Variants in BMP5 observed in about 807,000 individuals in gnomAD.
The protein encoded by BMP5 is bone morphogenetic protein 5.
A neutral mutation model predicts 46.6 loss-of-function variants in BMP5; 23 were observed. The observed-to-expected ratio is 0.49, with a 90% CI of 0.35 to 0.70. The LOEUF is 0.70. BMP5 is among the 30% of genes least tolerant of loss of function. The probability of loss-of-function intolerance (pLI) is 0.00; values close to 1 mark genes in which losing one functional copy is unlikely to be tolerated. For missense variants in BMP5, 545 were observed against 565.6 expected, an observed-to-expected ratio of 0.96 and a Z score of 0.37; for synonymous variants, 204 against 191.9, an observed-to-expected ratio of 1.06 and a Z score of -0.52.
intron 2 of BMP5, among the ~76,000 whole-genome samples, chr6:55,797,235 A>C (rs764405975): frequency 6.6e-6 from 1 of 152,176 alleles, no homozygotes; most frequent in Non-Finnish European, 1.5e-5. Flanking sequence ...TGAAGTATAA[A>C]ATTTCTCCAC....
At chr6:55,761,923 A>G (rs1334358263) in intron 4 of BMP5, among the ~76,000 whole-genome samples, 1 of 152,120 alleles carries the variant, frequency 6.6e-6, no homozygotes, top group Non-Finnish European at 1.5e-5. Context: ...TAAAATAAAC[A>G]TTCAAAAAAG....
chr6:55,819,826 GA>G lies in BMP5; in HGVS notation c.511del (p.Ser171LeufsTer23). The G allele has an allele frequency of 6.2e-7, 1 of 1,613,646 alleles. No individual in the cohort carries two copies. Among genetic ancestry groups the G allele is most frequent in the Non-Finnish European group, 8.5e-7 (1 of 1,179,786 alleles). On this transcript the variant is annotated frameshift_variant, in exon 2 of 7. Coordinates refer to ENST00000370830, the MANE Select transcript of BMP5 (RefSeq NM_021073.4). LOFTEE classifies it high-confidence loss of function. The part of the protein sequence containing the change: ...VNLVERDKDF[S>X]HQRRHYKEFR... ...TTCTTTGTAATGCCTTCGCTGGTGA[GA>G]AAAATCCTTGTCTCTTTCAACTGAA...
intron 1 of BMP5, among the ~76,000 whole-genome samples, chr6:55,821,463 A>C (rs1430300478): frequency 6.6e-6 from 1 of 152,056 alleles, no homozygotes; most frequent in Admixed American, 6.6e-5. Flanking sequence ...GGACTACTAT[A>C]GGTGTTCCCC....
rs150474318 is a variant in BMP5, at chr6:55,819,711, A to T, written c.627T>A (p.Phe209Leu). The change falls in exon 2 of 7, where the codon TTT becomes TTA. Residue 209 changes from phenylalanine to leucine, a missense_variant. Phe to Leu is a conservative substitution (Grantham distance 22). Coordinates refer to ENST00000370830, the MANE Select transcript of BMP5 (RefSeq NM_021073.4). ...RIYKDRSNNR[F>L]ENETIKISIY... ...TGCTAATCTTAATTGTTTCATTTTC[A>T]AATCGGTTGTTGCTCCGGTCCTTGT... The T allele has an allele frequency of 7.3e-5, 118 of 1,613,700 alleles. No homozygotes were observed. The highest frequency in any genetic ancestry group is 9.5e-5 in the Non-Finnish European group (112 of 1,179,876).
intron 4 of BMP5, among the ~76,000 whole-genome samples, chr6:55,773,714 C>A (rs919601916): frequency 6.6e-6 from 1 of 151,876 alleles, no homozygotes; most frequent in Non-Finnish European, 1.5e-5. Flanking sequence ...GTTGACCATC[C>A]ATTTTTGAAA....
intron 1 of BMP5, among the ~76,000 whole-genome samples, chr6:55,821,227 C>A (rs191665897): frequency 4.6e-5 from 7 of 152,216 alleles, no homozygotes; most frequent in Admixed American, 2.0e-4. Context: ...CAAAGGAACC[C>A]ACAATGCTTT....
At chr6:55,791,273 A>G (rs1037576347) in intron 3 of BMP5, among the ~76,000 whole-genome samples, 51 of 152,338 alleles carry the variant, frequency 3.3e-4, no homozygotes, top group Middle Eastern at 6.8e-3. Flanking sequence ...TAATAAAACT[A>G]AGGTGCCCAG....
At chr6:55,768,536 A>G (rs1477578974) in intron 4 of BMP5, among the ~76,000 whole-genome samples, 1 of 151,938 alleles carries the variant, frequency 6.6e-6, no homozygotes, top group African/African-American at 2.4e-5. Context: ...AAGCTATGAT[A>G]TTTGAGCTTA....
intron 2 of BMP5, among the ~76,000 whole-genome samples, chr6:55,805,594 G>T (rs1270408836): frequency 1.3e-5 from 2 of 152,174 alleles, no homozygotes; most frequent in African/African-American, 2.4e-5. Context: ...TAATGGGATT[G>T]CTGGGTCAGA....
intron 1 of BMP5, among the ~76,000 whole-genome samples, chr6:55,861,872 G>A (rs915712407): frequency 6.6e-6 from 1 of 152,210 alleles, no homozygotes; most frequent in Non-Finnish European, 1.5e-5. Context: ...AGGCAGCACA[G>A]CATATCAGTG....
chr6:55,801,511 C>T (rs1232317651), intron 2 of BMP5, among the ~76,000 whole-genome samples: 1 of 152,156 alleles, frequency 6.6e-6, no homozygotes, highest in Non-Finnish European at 1.5e-5. Context: ...TCCTTGTTTC[C>T]CCCAATGCAT....
At chr6:55,836,065 A>G (rs1177432583) in intron 1 of BMP5, among the ~76,000 whole-genome samples, 1 of 152,156 alleles carries the variant, frequency 6.6e-6, no homozygotes, top group Non-Finnish European at 1.5e-5. Context: ...ACCTAGCTCA[A>G]TTTTCCCAAT....
intron 1 of BMP5, among the ~76,000 whole-genome samples, chr6:55,824,775 G>A (rs1357354176): frequency 6.6e-6 from 1 of 151,896 alleles, no homozygotes; most frequent in Non-Finnish European, 1.5e-5. Flanking sequence ...GACCACAGCA[G>A]CCTGTTCAAA....
chr6:55,843,521 G>A (rs1777017312), intron 1 of BMP5, among the ~76,000 whole-genome samples: 1 of 151,864 alleles, frequency 6.6e-6, no homozygotes. Flanking sequence ...CACTGAGGCT[G>A]TGTTTCATAT....
chr6:55,849,144 G>T (rs1386707896), intron 1 of BMP5, among the ~76,000 whole-genome samples: 1 of 151,844 alleles, frequency 6.6e-6, no homozygotes. Context: ...TATTTGTTGT[G>T]ACCCTTCTGT....
rs1287843451 is a variant in BMP5, at chr6:55,819,721, T to C, written c.617A>G (p.Asn206Ser). 3 of 1,613,810 alleles carry C rather than the reference T, an allele frequency of 1.9e-6. No individual in the cohort carries two copies. The highest frequency in any genetic ancestry group is 2.7e-5 in the African/African-American group (2 of 74,918). ...AEFRIYKDRS[N>S]NRFENETIKI... ...AATTGTTTCATTTTCAAATCGGTTG[T>C]TGCTCCGGTCCTTGTATATCCGGAA... The change falls in exon 2 of 7, where the codon AAC becomes AGC. Residue 206 changes from asparagine to serine, a missense_variant. Asn to Ser is a conservative substitution (Grantham distance 46, BLOSUM62 1). Coordinates refer to ENST00000370830, the MANE Select transcript of BMP5 (RefSeq NM_021073.4).
intron 2 of BMP5, among the ~76,000 whole-genome samples, chr6:55,812,361 GATAA>G (rs1176038429): frequency 2.3e-4 from 35 of 152,202 alleles, no homozygotes; most frequent in African/African-American, 8.2e-4. Flanking sequence ...GTCTCACTAA[GATAA>G]ATAAATAAGA....
At chr6:55,861,752 T>C (rs1323557372) in intron 1 of BMP5, among the ~76,000 whole-genome samples, 2 of 152,234 alleles carry the variant, frequency 1.3e-5, no homozygotes, top group Non-Finnish European at 2.9e-5. Flanking sequence ...CCATTTTATG[T>C]CCCTTACTGA....
At position 55,774,109 on chromosome 6, in the gene BMP5, T is replaced by G. The variant is rs1775111605; in HGVS notation, c.967A>C (p.Asn323His). The G allele has an allele frequency of 6.2e-7, 1 of 1,612,966 alleles. No homozygotes were observed. Among genetic ancestry groups the G allele is most frequent in the African/African-American group, 1.3e-5 (1 of 74,798 alleles). The change falls in exon 4 of 7, where the codon AAT becomes CAT. Residue 323 changes from asparagine (N) to histidine (H), a missense_variant. Physicochemically the swap from Asn to His is moderately conservative, Grantham distance 68 (BLOSUM62 1). Coordinates refer to ENST00000370830, the MANE Select transcript of BMP5 (RefSeq NM_021073.4). ...RSVRAANKRK[N>H]QNRNKSSSHQ... ...GAGCTGGATTTATTGCGGTTTTGAT[T>G]TTTTCGTTTGTTGGCTGCTCTCACG... is the stretch of plus-strand genomic sequence containing the variant.
Sources: allele counts gnomAD v4.1 joint callset (sites outside exome capture counted in the v4.1 genomes callset), GRCh38; gene constraint gnomAD v4.1.1; transcripts MANE v1.5; gene names NCBI Gene and HGNC (gene_info 2026-07-23, HGNC 2026-07-21).